Variants in YWHAG observed in about 807,000 individuals in gnomAD.
YWHAG encodes the protein 14-3-3 protein gamma.
Under a neutral mutation model 23.3 loss-of-function variants are expected in YWHAG, and 1 was observed. The observed-to-expected ratio is 0.04, with a 90% CI of 0.02 to 0.20. The LOEUF (loss-of-function observed/expected upper bound fraction) is 0.20, where lower values mean the gene tolerates loss of function less well. Among genes scored for constraint, YWHAG ranks in the 10% least tolerant of loss-of-function variants. The pLI is 1.00. For missense variants in YWHAG, 151 were observed against 338.6 expected (o/e 0.45, Z 4.35); for synonymous variants, 160 against 144.0 (o/e 1.11, Z -0.80).
chr7:76,358,595 C>G, intron 1 of YWHAG, 127 bp downstream of exon 1: 2 of 950,364 alleles, frequency 2.1e-6, no homozygotes, highest in South Asian at 1.8e-5. Context: ...CCCCAGCCCC[C>G]CTCAGTGAGC....
chr7:76,353,967 G>T (rs1563668627), intron 1 of YWHAG, among the ~76,000 whole-genome samples: 1 of 151,702 alleles, frequency 6.6e-6, no homozygotes, highest in South Asian at 2.1e-4. Context: ...CAACTACTTG[G>T]GTGGCTGGGG....
At position 76,355,845 on chromosome 7, in the gene YWHAG, T is replaced by C. The variant is rs17149172; in HGVS notation, c.87+2877A>G. Among the ~76,000 whole-genome samples, 1,277 of 152,308 alleles carry C rather than the reference T, an allele frequency of 8.4e-3. 16 individuals carry two copies. The highest frequency in any genetic ancestry group is 0.029 in the African/African-American group (1,224 of 41,550). The stretch of plus-strand genomic sequence containing the variant: ...AAGTACCAGTAGCCTATTTAAAATA[T>C]TAACTTCTCAAGAGACTAGTAAAAG... On this transcript the variant is annotated intron_variant, in intron 1 of 1. Coordinates refer to ENST00000307630, the MANE Select transcript of YWHAG (RefSeq NM_012479.4).
At chr7:76,354,072 A>C (rs1803913843) in intron 1 of YWHAG, among the ~76,000 whole-genome samples, 1 of 125,242 alleles carries the variant, frequency 8.0e-6, no homozygotes. Context: ...AAAAAAAAAA[A>C]CAAAAAACAA....
At chr7:76,337,886 G>C (rs1803639002) in intron 1 of YWHAG, among the ~76,000 whole-genome samples, 1 of 152,160 alleles carries the variant, frequency 6.6e-6, no homozygotes, top group Non-Finnish European at 1.5e-5. Context: ...CTGCAGCCAT[G>C]AGTACAAGTA....
intron 1 of YWHAG, among the ~76,000 whole-genome samples, chr7:76,340,729 T>C (rs2115617912): frequency 6.6e-6 from 1 of 152,316 alleles, no homozygotes; most frequent in Middle Eastern, 3.4e-3. Context: ...CAAGCAGCCC[T>C]ACCCCTTGCC....
chr7:76,350,686 A>G (rs1465518639), intron 1 of YWHAG, among the ~76,000 whole-genome samples: 1 of 152,158 alleles, frequency 6.6e-6, no homozygotes, highest in Non-Finnish European at 1.5e-5. Context: ...TCTACTAAAA[A>G]TACAAAAATT....
At chr7:76,341,892 T>C (rs529968629) in intron 1 of YWHAG, among the ~76,000 whole-genome samples, 5 of 152,168 alleles carry the variant, frequency 3.3e-5, no homozygotes, top group African/African-American at 4.8e-5. Context: ...GTAAACTATA[T>C]CTCAACAAAG....
At chr7:76,346,996 G>A (rs956502263) in intron 1 of YWHAG, among the ~76,000 whole-genome samples, 37 of 152,068 alleles carry the variant, frequency 2.4e-4, no homozygotes, top group African/African-American at 8.9e-4. Context: ...GAAACTAAGC[G>A]TCCTATGCCC....
intron 1 of YWHAG, among the ~76,000 whole-genome samples, chr7:76,352,225 T>C (rs1262026273): frequency 1.3e-5 from 2 of 152,246 alleles, no homozygotes; most frequent in Non-Finnish European, 2.9e-5. Flanking sequence ...TAGAGTCATA[T>C]GAGTAATTCC....
chr7:76,339,212 G>A (rs1202710486), intron 1 of YWHAG, among the ~76,000 whole-genome samples: 5 of 139,390 alleles, frequency 3.6e-5, no homozygotes, highest in South Asian at 2.2e-4. Context: ...GCTCACGCCT[G>A]TAATCCCAGC....
intron 1 of YWHAG, among the ~76,000 whole-genome samples, chr7:76,346,809 G>A (rs1389244652): frequency 6.6e-6 from 1 of 152,160 alleles, no homozygotes; most frequent in African/African-American, 2.4e-5. Context: ...AGCCTGAAGA[G>A]ACTCACCATG....
At chr7:76,339,705 T>C (rs1803662817) in intron 1 of YWHAG, among the ~76,000 whole-genome samples, 2 of 152,164 alleles carry the variant, frequency 1.3e-5, no homozygotes, top group Non-Finnish European at 2.9e-5. Context: ...GCTCAGCCTA[T>C]TCAACACGAA....
chr7:76,333,579 A>G (rs2115598519), intron 1 of YWHAG, among the ~76,000 whole-genome samples: 1 of 152,130 alleles, frequency 6.6e-6, no homozygotes, highest in East Asian at 1.9e-4. Context: ...TCTTCTCTAT[A>G]TTAAGCGGAA....
chr7:76,354,210 C>T (rs1252960554), intron 1 of YWHAG, among the ~76,000 whole-genome samples: 2 of 151,988 alleles, frequency 1.3e-5, no homozygotes, highest in African/African-American at 4.8e-5. Flanking sequence ...GACTACCGAG[C>T]ATAGAAAGTG....
chr7:76,345,940 CA>C (rs1007329786), intron 1 of YWHAG, among the ~76,000 whole-genome samples: 3 of 150,202 alleles, frequency 2.0e-5, no homozygotes, highest in Non-Finnish European at 4.4e-5. Flanking sequence ...AACTCCGCCT[CA>C]AAAAAAAATT....
chr7:76,350,716 T>C (rs1003196652), intron 1 of YWHAG, among the ~76,000 whole-genome samples: 2 of 152,062 alleles, frequency 1.3e-5, no homozygotes, highest in African/African-American at 2.4e-5. Flanking sequence ...TGGTGGTACA[T>C]GCCTGTAATC....
At chr7:76,344,014 A>T (rs1204752881) in intron 1 of YWHAG, among the ~76,000 whole-genome samples, 1 of 152,238 alleles carries the variant, frequency 6.6e-6, no homozygotes. Context: ...CCCGAGATCT[A>T]TCTTTCTCTG....
At chr7:76,344,304 T>C (rs1487009372) in intron 1 of YWHAG, among the ~76,000 whole-genome samples, 2 of 152,094 alleles carry the variant, frequency 1.3e-5, no homozygotes, top group Admixed American at 1.3e-4. Flanking sequence ...ACAGACAGGG[T>C]TTCACCATGT....
chr7:76,332,243 C>A (rs1271846876), intron 1 of YWHAG, among the ~76,000 whole-genome samples: 1 of 152,114 alleles, frequency 6.6e-6, no homozygotes. Context: ...TTGTTCCCGG[C>A]ACTTCTGCAA....
Sources: allele counts gnomAD v4.1 joint callset (sites outside exome capture counted in the v4.1 genomes callset), GRCh38; gene constraint gnomAD v4.1.1; transcripts MANE v1.5; gene names NCBI Gene and HGNC (gene_info 2026-07-23, HGNC 2026-07-21).